PDCD6IP: variants seen among roughly 807,000 people sequenced by gnomAD.
The protein encoded by PDCD6IP is programmed cell death 6-interacting protein.
In PDCD6IP, 43 loss-of-function variants were observed where a neutral mutation model predicts 103.7. The ratio of observed to expected loss-of-function variants is 0.41; its 90% confidence interval spans 0.32 to 0.53. PDCD6IP has a LOEUF of 0.53. Among genes scored for constraint, PDCD6IP ranks in the 20% least tolerant of loss-of-function variants. PDCD6IP has a pLI of 0.16. For synonymous variants in PDCD6IP, 354 were observed against 378.7 expected (o/e 0.93, Z 0.76); for missense variants, 871 against 1,036.7 (o/e 0.84, Z 2.20).
Position 33,833,983 on chromosome 3 carries a change from A to G in PDCD6IP, c.835-2061A>G, listed in dbSNP as rs572693351. Reference sequence around the variant, plus strand: ...TACCTCTGTACCTGTGCTTCCCTGAATTCCTCACAGCCTTTGCATTTCAAG... The same window carrying G: ...TACCTCTGTACCTGTGCTTCCCTGAGTTCCTCACAGCCTTTGCATTTCAAG... On this transcript the variant is annotated intron_variant, in intron 7 of 17. Transcript: ENST00000307296. 3.0e-4 allele frequency among the ~76,000 whole-genome samples: 41 copies of G among 138,828 alleles called. No individual in the cohort carries two copies. The South Asian group carries it at 3.4e-3, about 12-fold the overall frequency. 91.1% of individuals were successfully genotyped at this position (138,828 alleles called of 152,430 possible). A position where few individuals can be genotyped will look rare whatever the true frequency, so the allele number is the denominator to read the frequency against.
intron 5 of PDCD6IP, 65 bp downstream of exon 5, chr3:33,825,405 T>A: frequency 7.4e-7 from 1 of 1,356,318 alleles, no homozygotes; most frequent in Non-Finnish European, 1.0e-6. Context: ...ATTAAGAAAG[T>A]GATTAGAATA....
chr3:33,822,839 A>G (rs897742466), intron 4 of PDCD6IP, among the ~76,000 whole-genome samples: 2 of 151,836 alleles, frequency 1.3e-5, no homozygotes, highest in African/African-American at 2.4e-5. Context: ...TTGTATTTTT[A>G]GTAGAGATGG....
At chr3:33,861,203 G>C (rs1326365462) in intron 15 of PDCD6IP, among the ~76,000 whole-genome samples, 6 of 151,134 alleles carry the variant, frequency 4.0e-5, no homozygotes, top group African/African-American at 1.5e-4. Flanking sequence ...GGAGTGCAGT[G>C]GCACGATCTC....
intron 15 of PDCD6IP, among the ~76,000 whole-genome samples, chr3:33,859,993 G>T (rs1426036868): frequency 2.0e-5 from 3 of 152,108 alleles, no homozygotes; most frequent in East Asian, 1.9e-4. Flanking sequence ...AAAAATCAGG[G>T]TGTTTTCAAT....
At chr3:33,837,851 G>C (rs1290831959) in intron 8 of PDCD6IP, among the ~76,000 whole-genome samples, 1 of 152,182 alleles carries the variant, frequency 6.6e-6, no homozygotes, top group Non-Finnish European at 1.5e-5. Flanking sequence ...GCCTCCCAAA[G>C]TGCTGGGATT....
chr3:33,810,748 G>A (rs867346362), intron 1 of PDCD6IP, among the ~76,000 whole-genome samples: 7 of 152,280 alleles, frequency 4.6e-5, no homozygotes, highest in East Asian at 1.9e-4. Context: ...CAAGGTTACC[G>A]TGTACTGTGA....
At chr3:33,839,975 A>G (rs530641005) in intron 9 of PDCD6IP, among the ~76,000 whole-genome samples, 1 of 152,286 alleles carries the variant, frequency 6.6e-6, no homozygotes, top group East Asian at 1.9e-4. Context: ...ACTTCTTTAC[A>G]TATTTTGGAG....
At chr3:33,841,288 A>C (rs1226508362) in intron 9 of PDCD6IP, among the ~76,000 whole-genome samples, 1 of 151,972 alleles carries the variant, frequency 6.6e-6, no homozygotes, top group East Asian at 1.9e-4. Flanking sequence ...TGGGCCTCCC[A>C]AAGTGCTGGG....
intron 6 of PDCD6IP, chr3:33,827,025 A>G (rs913152399): frequency 1.0e-6 from 1 of 993,902 alleles, no homozygotes; most frequent in Admixed American, 5.7e-5. Context: ...AAAACTTAAC[A>G]AATTCATCTG....
chr3:33,843,808 T>C (rs539989549), intron 10 of PDCD6IP, among the ~76,000 whole-genome samples: 13 of 152,000 alleles, frequency 8.6e-5, no homozygotes, highest in African/African-American at 2.9e-4. Context: ...GGCTTCTATT[T>C]ATTTATTTTA....
In PDCD6IP at chr3:33,836,073, A is replaced by T. The variant is rs988465215; in HGVS notation, c.864A>T (p.Ala288=). Residue 288 remains alanine, a synonymous_variant, in exon 8 of 18, where the codon GCA becomes GCT. Coordinates refer to ENST00000307296, the MANE Select transcript of PDCD6IP (RefSeq NM_013374.6). ...CAGCAGAACTGATTAAAACAGTGGC[A>T]TCTCGCTATGATGAATATGTTAATG... is the stretch of plus-strand genomic sequence containing the variant. ...QHAAELIKTV[A]SRYDEYVNVK... 2 of 1,610,508 alleles carry T rather than the reference A, an allele frequency of 1.2e-6. No homozygotes were observed.
chr3:33,855,207 C>T lies in PDCD6IP; in HGVS notation c.2067C>T (p.Asn689=), dbSNP rs1697800148. The part of the protein sequence containing the change: ...ELTEILVRFQ[N]KCSDIVFARK... ...CTGAAATCCTGGTCAGGTTCCAGAA[C>T]AAATGCAGTGATATAGTTTTTGCAC... The change falls in exon 15 of 18, where the codon AAC becomes AAT. Residue 689 remains asparagine, a synonymous_variant. Transcript: ENST00000307296. 1 of 1,611,558 alleles carries T rather than the reference C, an allele frequency of 6.2e-7. No individual in the cohort carries two copies. Among genetic ancestry groups the T allele is most frequent in the African/African-American group, 1.3e-5 (1 of 74,862 alleles).
intron 7 of PDCD6IP, among the ~76,000 whole-genome samples, chr3:33,833,396 A>T (rs1397053227): frequency 2.0e-5 from 3 of 151,884 alleles, no homozygotes; most frequent in African/African-American, 7.3e-5. Context: ...CCTCCTTCCC[A>T]ACTTCTGTGT....
At chr3:33,866,276 A>C in intron 17 of PDCD6IP, 75 bp from the exon 18 acceptor site, 2 of 909,788 alleles carry the variant, frequency 2.2e-6, no homozygotes, top group Non-Finnish European at 1.6e-6. Flanking sequence ...TGAAAAACGT[A>C]GTTCTAGAAT....
intron 2 of PDCD6IP, among the ~76,000 whole-genome samples, chr3:33,812,340 T>C (rs981585320): frequency 3.3e-5 from 5 of 152,188 alleles, no homozygotes; most frequent in African/African-American, 1.2e-4. Flanking sequence ...TGTAGAGCAA[T>C]GGTTTGTTTT....
chr3:33,814,454 T>A (rs1422519826), intron 3 of PDCD6IP, among the ~76,000 whole-genome samples: 1 of 151,524 alleles, frequency 6.6e-6, no homozygotes, highest in Non-Finnish European at 1.5e-5. Context: ...TTATGTGGAT[T>A]AAATGAGTGA....
chr3:33,865,528 T>C, intron 17 of PDCD6IP, 98 bp downstream of exon 17: 2 of 900,302 alleles, frequency 2.2e-6, no homozygotes, highest in Non-Finnish European at 3.3e-6. Flanking sequence ...CAAATGGAGG[T>C]GTCATGAATG....
intron 9 of PDCD6IP, 94 bp downstream of exon 9, chr3:33,838,421 A>G: frequency 5.2e-6 from 6 of 1,163,846 alleles, no homozygotes; most frequent in Non-Finnish European, 7.4e-6. Context: ...GCTAAATGTC[A>G]AGAGTATATA....
intron 1 of PDCD6IP, among the ~76,000 whole-genome samples, chr3:33,801,163 A>G (rs914018513): frequency 1.2e-4 from 19 of 152,270 alleles, no homozygotes; most frequent in African/African-American, 4.6e-4. Context: ...AGGTAGGTAC[A>G]AAAGTTTTGT....
Sources: gnomAD v4.1 joint callset for allele counts (sites outside exome capture counted in the v4.1 genomes callset) on GRCh38, gnomAD v4.1.1 for gene constraint, MANE v1.5 for transcripts, NCBI Gene and HGNC (gene_info 2026-07-23, HGNC 2026-07-21) for gene names.